Variants in UNC80 observed in about 807,000 individuals in gnomAD.
UNC80 encodes unc-80 subunit of NALCN channel complex, also known as protein unc-80 homolog.
In UNC80, 164 loss-of-function variants were observed where a neutral mutation model predicts 384.6. The observed-to-expected ratio is 0.43, with a 90% CI of 0.38 to 0.49. The LOEUF (loss-of-function observed/expected upper bound fraction) is 0.49, where lower values mean the gene tolerates loss of function less well. UNC80 is among the 20% of genes least tolerant of loss of function. The pLI is 0.00. For missense variants in UNC80, 3,330 were observed against 4,143.0 expected, an observed-to-expected ratio of 0.80 and a Z score of 5.39; for synonymous variants, 1,486 against 1,527.8, an observed-to-expected ratio of 0.97 and a Z score of 0.64.
chr2:209,943,503 C>A lies in UNC80; in HGVS notation c.7039C>A (p.Leu2347Met). 1.3e-6 allele frequency: 2 copies of A among 1,551,574 alleles called. No homozygotes were observed. The highest frequency in any genetic ancestry group is 1.7e-6 in the Non-Finnish European group (2 of 1,146,918). ...LQLFASVAPL[L>M]EFPDAANNGP... ...GCTGTTTGCTAGTGTGGCCCCTCTCCTGGAATTTCCTGTAAGTAAGCTCTG... is the reference window on the plus strand; with the variant it reads ...GCTGTTTGCTAGTGTGGCCCCTCTCATGGAATTTCCTGTAAGTAAGCTCTG... The change falls in exon 45 of 65, where the codon CTG becomes ATG. Residue 2347 changes from leucine to methionine, a missense_variant. Coordinates refer to ENST00000673920, the MANE Select transcript of UNC80 (RefSeq NM_001371986.1).
At chr2:209,957,788 A>G in intron 49 of UNC80, 52 bp downstream of exon 49, 1 of 1,510,800 alleles carries the variant, frequency 6.6e-7, no homozygotes, top group Non-Finnish European at 9.0e-7. Flanking sequence ...ATACAACCCG[A>G]ATGTCAGCTG....
intron 22 of UNC80, among the ~76,000 whole-genome samples, chr2:209,859,292 T>C (rs1266490467): frequency 6.6e-6 from 1 of 152,204 alleles, no homozygotes; most frequent in Non-Finnish European, 1.5e-5. Context: ...CAGTGTTTGA[T>C]TATCTGTTCC....
In UNC80 at chr2:209,839,805, A is replaced by G. The variant is rs993722732; in HGVS notation, c.3250+375A>G. Among the ~76,000 whole-genome samples the G allele has an allele frequency of 2.0e-5, 3 of 152,216 alleles. No homozygotes were observed. Among genetic ancestry groups the G allele is most frequent in the Non-Finnish European group, 4.4e-5 (3 of 68,046 alleles). On this transcript the variant is annotated intron_variant, in intron 19 of 64. Coordinates refer to ENST00000673920, the MANE Select transcript of UNC80 (RefSeq NM_001371986.1). The surrounding 1 kb of genome is among the most constrained non-coding windows in gnomAD (Gnocchi z 4.1). The stretch of plus-strand genomic sequence containing the variant: ...CATAGTTCTACGAAAGCATGCAACA[A>G]TGAGACCTGACCTGAATGTGGGGGA...
chr2:209,935,845 C>T (rs1351071903), intron 40 of UNC80, 37 bp downstream of exon 40: 2 of 1,281,544 alleles, frequency 1.6e-6, no homozygotes, highest in Non-Finnish European at 2.2e-6. Flanking sequence ...TTTTTAAGGA[C>T]AATGCTATGG....
At chr2:209,855,976 A>G (rs2082883921) in intron 22 of UNC80, among the ~76,000 whole-genome samples, 2 of 152,110 alleles carry the variant, frequency 1.3e-5, no homozygotes, top group African/African-American at 4.8e-5. Flanking sequence ...GTCTCTATTC[A>G]TATATAGTTT....
intron 20 of UNC80, among the ~76,000 whole-genome samples, chr2:209,840,885 G>A (rs2081689475): frequency 6.6e-6 from 1 of 152,152 alleles, no homozygotes; most frequent in Non-Finnish European, 1.5e-5. Context: ...TTATAATGCA[G>A]ATATAGGGAT....
At chr2:209,773,028 T>C in intron 1 of UNC80, 66 bp from the exon 2 acceptor site, 1 of 1,294,990 alleles carries the variant, frequency 7.7e-7, no homozygotes, top group Non-Finnish European at 1.1e-6. Context: ...GAAAAATACG[T>C]CACAAGGATG....
At chr2:209,984,800 C>CTT (rs58948800) in intron 60 of UNC80, 56 bp from the exon 61 acceptor site, 82 of 1,136,472 alleles carry the variant, frequency 7.2e-5, no homozygotes, top group Admixed American at 2.2e-4. Flanking sequence ...TTTCTTTTTT[C>CTT]TTTTTTTTTT....
intron 22 of UNC80, among the ~76,000 whole-genome samples, chr2:209,850,731 A>G (rs1189271462): frequency 6.6e-6 from 1 of 152,098 alleles, no homozygotes; most frequent in Non-Finnish European, 1.5e-5. Flanking sequence ...AAATTGCATC[A>G]TGTTCAATGT....
intron 48 of UNC80, among the ~76,000 whole-genome samples, chr2:209,955,032 A>G (rs762899243): frequency 1.3e-5 from 2 of 152,160 alleles, no homozygotes; most frequent in African/African-American, 2.4e-5. Context: ...GCAGGACACT[A>G]TGCGTATGAT....
At chr2:209,834,584 T>C (rs2081214919) in intron 17 of UNC80, among the ~76,000 whole-genome samples, 1 of 152,252 alleles carries the variant, frequency 6.6e-6, no homozygotes, top group South Asian at 2.1e-4. Context: ...TAATAGCCTG[T>C]TGTTTTTCCT....
At position 209,813,635 on chromosome 2, in the gene UNC80, G is replaced by A. The variant is rs1005045171; in HGVS notation, c.994G>A (p.Val332Ile). 5.8e-5 allele frequency: 90 copies of A among 1,551,700 alleles called. No individual in the cohort carries two copies. Among genetic ancestry groups the A allele is most frequent in the Admixed American group, 1.2e-4 (6 of 50,978 alleles). ...QRSRYATYFD[V>I]AVLRCLLQPH... Reference sequence around the variant, plus strand: ...GTCCCGCTATGCCACCTACTTTGACGTTGCTGTTCTGCGCTGCCTACTTCA... The same window carrying A: ...GTCCCGCTATGCCACCTACTTTGACATTGCTGTTCTGCGCTGCCTACTTCA... Residue 332 changes from valine (V) to isoleucine (I), a missense_variant, in exon 8 of 65, where the codon GTT becomes ATT. By Grantham distance (29) the Val-to-Ile change is conservative (BLOSUM62 3). This residue lies in a region of UNC80 where 937 missense variants were observed against 1,026.8 expected (regional missense o/e 0.91). Coordinates refer to ENST00000673920, the MANE Select transcript of UNC80 (RefSeq NM_001371986.1).
chr2:209,838,830 A>G lies in UNC80; in HGVS notation c.3042-392A>G, dbSNP rs563324477. On this transcript the variant is annotated intron_variant, in intron 18 of 64. Coordinates refer to ENST00000673920, the MANE Select transcript of UNC80 (RefSeq NM_001371986.1). ...CAAAAAATTAGCCGGGTGTGGTGGC[A>G]TACGCCTGTAGTCCCAGCTACTCCG... Among the ~76,000 whole-genome samples the G allele has an allele frequency of 2.0e-3, 305 of 152,242 alleles. 2 individuals carry two copies. The highest frequency in any genetic ancestry group is 2.2e-3 in the Non-Finnish European group (150 of 68,014).
At chr2:209,847,604 A>C (rs1024389674) in intron 21 of UNC80, among the ~76,000 whole-genome samples, 4 of 152,006 alleles carry the variant, frequency 2.6e-5, no homozygotes, top group African/African-American at 9.7e-5. Flanking sequence ...TTTTACCTAC[A>C]TCCCTTAACT....
At chr2:209,958,958 AAGATAAAGCCTTT>A (rs1172831503) in intron 49 of UNC80, among the ~76,000 whole-genome samples, 148 bp from the exon 50 acceptor site, 1 of 152,260 alleles carries the variant, frequency 6.6e-6, no homozygotes, top group Non-Finnish European at 1.5e-5. Flanking sequence ...AGCCAAATGA[AAGATAAAGCCTTT>A]ATGTTTTAGG....
chr2:209,871,761 A>G (rs2084314797), intron 22 of UNC80, among the ~76,000 whole-genome samples: 1 of 149,906 alleles, frequency 6.7e-6, no homozygotes, highest in South Asian at 2.1e-4. Context: ...TCAGTAGAGT[A>G]TTTGATTCTT....
chr2:209,939,605 C>T lies in UNC80; in HGVS notation c.6599C>T (p.Pro2200Leu). Residue 2200 changes from proline (P) to leucine (L), a missense_variant, in exon 43 of 65, where the codon CCT becomes CTT. Pro to Leu is a moderately conservative substitution (Grantham distance 98). Transcript: ENST00000673920. ...GACCTCCTCCGCCTGCCCTCATTCCCTCGTAGTGCTATTGATGCTGAGTTT... is the reference window on the plus strand; with the variant it reads ...GACCTCCTCCGCCTGCCCTCATTCCTTCGTAGTGCTATTGATGCTGAGTTT... Reference protein sequence around the residue: ...QEDLLRLPSFPRSAIDAEFSL... With the variant: ...QEDLLRLPSFLRSAIDAEFSL... 8 of 1,551,726 alleles carry T rather than the reference C, an allele frequency of 5.2e-6. No homozygotes were observed. The highest frequency in any genetic ancestry group is 7.0e-6 in the Non-Finnish European group (8 of 1,146,876).
chr2:209,875,887 G>T (rs564881701), intron 23 of UNC80, among the ~76,000 whole-genome samples: 1 of 151,924 alleles, frequency 6.6e-6, no homozygotes, highest in African/African-American at 2.4e-5. Flanking sequence ...TTTTATTTCA[G>T]TGGCTTTTGG....
chr2:209,936,751 T>G, intron 40 of UNC80, 93 bp from the exon 41 acceptor site: 1 of 802,376 alleles, frequency 1.2e-6, no homozygotes, highest in Non-Finnish European at 2.1e-6. Flanking sequence ...AGAGGTTACC[T>G]TGTTTTTTCA....
Sources: allele counts gnomAD v4.1 joint callset (sites outside exome capture counted in the v4.1 genomes callset), GRCh38; gene constraint gnomAD v4.1.1; regional missense constraint gnomAD v4.1.1; non-coding constraint Gnocchi (gnomAD v3.1); transcripts MANE v1.5; gene names NCBI Gene and HGNC (gene_info 2026-07-23, HGNC 2026-07-21).